PRKAG2: variants seen among roughly 807,000 people sequenced by gnomAD.
PRKAG2 encodes the protein 5'-AMP-activated protein kinase subunit gamma-2.
In PRKAG2, 26 loss-of-function variants were observed where a neutral mutation model predicts 69.6. The ratio of observed to expected loss-of-function variants is 0.37; its 90% CI spans 0.27 to 0.52. PRKAG2 has a LOEUF of 0.52. Among genes scored for constraint, PRKAG2 ranks in the 20% least tolerant of loss-of-function variants. The probability of loss-of-function intolerance (pLI) is 0.90; values close to 1 mark genes in which losing one functional copy is unlikely to be tolerated. For synonymous variants in PRKAG2, 293 were observed against 285.0 expected (o/e 1.03, Z -0.28); for missense variants, 557 against 740.0 (o/e 0.75, Z 2.87).
chr7:151,577,363 A>G (rs1395555064), intron 6 of PRKAG2, among the ~76,000 whole-genome samples: 1 of 152,230 alleles, frequency 6.6e-6, no homozygotes, highest in Non-Finnish European at 1.5e-5. Flanking sequence ...TTAATAACCA[A>G]AAGTTCAGTG....
At chr7:151,564,764 G>A (rs1045405245) in intron 13 of PRKAG2, among the ~76,000 whole-genome samples, 5 of 151,792 alleles carry the variant, frequency 3.3e-5, no homozygotes, top group South Asian at 2.1e-4. Context: ...TCATTTTAGC[G>A]GGTCCCACTC....
intron 3 of PRKAG2, among the ~76,000 whole-genome samples, chr7:151,728,797 C>T (rs1286413330): frequency 2.0e-5 from 3 of 152,094 alleles, no homozygotes; most frequent in Non-Finnish European, 4.4e-5. Flanking sequence ...TGGGAGAGCA[C>T]GCACCTCGCT....
At chr7:151,862,071 G>A (rs927856349) in intron 1 of PRKAG2, among the ~76,000 whole-genome samples, 2 of 152,042 alleles carry the variant, frequency 1.3e-5, no homozygotes, top group African/African-American at 4.8e-5. Context: ...TGAAGGGGAT[G>A]AGGCCCGAGG....
rs1826181042 is a variant in PRKAG2 at position 151,638,794 on chromosome 7, A to G, written c.685-6656T>C. On this transcript the variant is annotated intron_variant, in intron 4 of 15. Coordinates refer to ENST00000287878, the MANE Select transcript of PRKAG2 (RefSeq NM_016203.4). The surrounding 1 kb of genome is among the most constrained non-coding windows in gnomAD (Gnocchi z 4.3). ...ACTCCTTTACGCACAGAGGTCGGATATGAGTTTGCTCTGCCTCTTAAAAGA... is the reference window on the plus strand; with the variant it reads ...ACTCCTTTACGCACAGAGGTCGGATGTGAGTTTGCTCTGCCTCTTAAAAGA... 6.6e-6 allele frequency among the ~76,000 whole-genome samples: 1 copy of G among 152,222 alleles called. No individual in the cohort carries two copies. Among genetic ancestry groups the G allele is most frequent in the Non-Finnish European group, 1.5e-5 (1 of 68,030 alleles).
Position 151,574,902 on chromosome 7 carries a change from T to C in PRKAG2, c.994A>G (p.Lys332Glu). 6.2e-7 allele frequency: 1 copy of C among 1,613,710 alleles called. No homozygotes were observed. Among genetic ancestry groups the C allele is most frequent in the East Asian group, 2.2e-5 (1 of 44,776 alleles). Reference sequence around the variant, plus strand: ...CTGGTGCCACTTACCATAGGTGATTTATAGTATCTATGTAGTATATTTATG... The same window carrying C: ...CTGGTGCCACTTACCATAGGTGATTCATAGTATCTATGTAGTATATTTATG... ...DFINILHRYY[K>E]SPMVQIYELE... Residue 332 changes from lysine to glutamate, a missense_variant, in exon 8 of 16, where the codon AAA becomes GAA. Physicochemically the swap from Lys to Glu is moderately conservative, Grantham distance 56. This residue lies in a region of PRKAG2 where 205 missense variants were observed against 383.4 expected (regional missense o/e 0.53). Coordinates refer to ENST00000287878, the MANE Select transcript of PRKAG2 (RefSeq NM_016203.4).
At chr7:151,605,923 C>T (rs1246379972) in intron 5 of PRKAG2, among the ~76,000 whole-genome samples, 1 of 128,026 alleles carries the variant, frequency 7.8e-6, no homozygotes, top group East Asian at 2.1e-4. Context: ...GGCGACAGAG[C>T]GAGACTCCGT....
intron 3 of PRKAG2, among the ~76,000 whole-genome samples, chr7:151,776,623 G>A (rs368847623): frequency 7.9e-5 from 12 of 152,232 alleles, no homozygotes; most frequent in South Asian, 2.1e-4. Flanking sequence ...CGCTCCCTTC[G>A]CAGCTGTCTG....
At chr7:151,787,585 C>T (rs745370489) in intron 1 of PRKAG2, among the ~76,000 whole-genome samples, 3 of 152,142 alleles carry the variant, frequency 2.0e-5, no homozygotes, top group Non-Finnish European at 2.9e-5. Flanking sequence ...GACCACATTC[C>T]GCTTACGCAT....
chr7:151,783,912 CAAAAAAAAAAAAAA>C (rs536105914), intron 2 of PRKAG2, among the ~76,000 whole-genome samples: 2 of 28,946 alleles, frequency 6.9e-5, no homozygotes, highest in African/African-American at 1.2e-4. Context: ...GACCCTGTCT[CAAAAAAAAAAAAAA>C]AAAAAAAAAA....
At chr7:151,755,051 G>A (rs986826791) in intron 3 of PRKAG2, among the ~76,000 whole-genome samples, 6 of 152,108 alleles carry the variant, frequency 3.9e-5, no homozygotes, top group Admixed American at 2.0e-4. Flanking sequence ...GTGAAGCCCC[G>A]ACAGAGAGTT....
In PRKAG2 at chr7:151,850,548, A is replaced by G. The variant is rs1165724197; in HGVS notation, c.114+25959T>C. Reference sequence around the variant, plus strand: ...TGGCCATGCTCATCAAAGCAGCCCAAGCTCACACTCAGCCAAGGAGCCCCG... The same window carrying G: ...TGGCCATGCTCATCAAAGCAGCCCAGGCTCACACTCAGCCAAGGAGCCCCG... On this transcript the variant is annotated intron_variant, in intron 1 of 15. Transcript: ENST00000287878. The surrounding 1 kb of genome is among the most constrained non-coding windows in gnomAD (Gnocchi z 4.1). Among the ~76,000 whole-genome samples, 1 of 152,222 alleles carries G rather than the reference A, an allele frequency of 6.6e-6. No homozygotes were observed. Among genetic ancestry groups the G allele is most frequent in the Non-Finnish European group, 1.5e-5 (1 of 68,034 alleles).
At chr7:151,633,607 C>T (rs540359228) in intron 4 of PRKAG2, among the ~76,000 whole-genome samples, 223 of 151,636 alleles carry the variant, frequency 1.5e-3, no homozygotes, top group African/African-American at 5.0e-3. Context: ...TTTCTATAAA[C>T]TAACAATGAA....
At chr7:151,827,107 G>A (rs2078918519) in intron 1 of PRKAG2, among the ~76,000 whole-genome samples, 1 of 152,176 alleles carries the variant, frequency 6.6e-6, no homozygotes. Flanking sequence ...CTCAACCTTG[G>A]ATGGACACAG....
chr7:151,803,703 T>C (rs1056215365), intron 1 of PRKAG2, among the ~76,000 whole-genome samples: 1 of 151,768 alleles, frequency 6.6e-6, no homozygotes, highest in Non-Finnish European at 1.5e-5. Context: ...GGCTATATTA[T>C]CCAGCTTGTT....
chr7:151,676,023 T>C (rs1490069175), intron 3 of PRKAG2, among the ~76,000 whole-genome samples: 1 of 152,172 alleles, frequency 6.6e-6, no homozygotes, highest in East Asian at 1.9e-4. Context: ...GCTCACACGG[T>C]CCCGAGTTAT....
intron 1 of PRKAG2, among the ~76,000 whole-genome samples, chr7:151,854,821 C>G (rs1202289970): frequency 6.6e-6 from 1 of 152,074 alleles, no homozygotes; most frequent in African/African-American, 2.4e-5. Context: ...AGGGCTCAGT[C>G]AAAGAAAGGA....
At chr7:151,773,724 T>G (rs906812252) in intron 3 of PRKAG2, among the ~76,000 whole-genome samples, 1 of 152,180 alleles carries the variant, frequency 6.6e-6, no homozygotes, top group East Asian at 1.9e-4. Context: ...CACACAGACA[T>G]GCACTTTCCT....
At position 151,745,267 on chromosome 7, in the gene PRKAG2, C is replaced by A. The variant is rs114890351; in HGVS notation, c.466+35885G>T. Among the ~76,000 whole-genome samples, 346 of 152,330 alleles carry A rather than the reference C, an allele frequency of 2.3e-3. 1 individual carries two copies. Among genetic ancestry groups the A allele is most frequent in the African/African-American group, 8.1e-3 (335 of 41,576 alleles). On this transcript the variant is annotated intron_variant, in intron 3 of 15. Coordinates refer to ENST00000287878, the MANE Select transcript of PRKAG2 (RefSeq NM_016203.4). ...TGCAAGAGGGCACGGGTCCCCTCCGCGCCGGGGAGCAGCAACACGCCTTAG... is the reference window on the plus strand; with the variant it reads ...TGCAAGAGGGCACGGGTCCCCTCCGAGCCGGGGAGCAGCAACACGCCTTAG...
At chr7:151,794,244 G>A (rs147079871) in intron 1 of PRKAG2, among the ~76,000 whole-genome samples, 82 of 152,346 alleles carry the variant, frequency 5.4e-4, no homozygotes, top group African/African-American at 1.9e-3. Flanking sequence ...GGCTTCCCTA[G>A]CTCCATATCA....
Sources: allele counts gnomAD v4.1 joint callset (sites outside exome capture counted in the v4.1 genomes callset), GRCh38; gene constraint gnomAD v4.1.1; regional missense constraint gnomAD v4.1.1; non-coding constraint Gnocchi (gnomAD v3.1); transcripts MANE v1.5; gene names NCBI Gene and HGNC (gene_info 2026-07-23, HGNC 2026-07-21).